The following TMCO6 variants were observed in gnomAD, a reference collection of about 807,000 sequenced individuals.
TMCO6 encodes the protein transmembrane and coiled-coil domain-containing protein 6.
TMCO6 carries 47 observed loss-of-function variants against 61.8 expected under a neutral mutation model. The ratio of observed to expected loss-of-function variants is 0.76; its 90% CI spans 0.60 to 0.97. TMCO6 has a LOEUF of 0.97. Among genes scored for constraint, TMCO6 ranks in the 50% least tolerant of loss-of-function variants. TMCO6 has a pLI of 0.00. For missense variants in TMCO6, 557 were observed against 601.6 expected (o/e 0.93, Z 0.78); for synonymous variants, 261 against 254.2 (o/e 1.03, Z -0.25).
At chr5:140,617,301 C>T in the TMCO6 span, among the ~76,000 whole-genome samples, 2 of 152,106 alleles carry the variant, frequency 1.3e-5, no homozygotes, top group South Asian at 2.1e-4. Flanking sequence ...GTGGCTTACA[C>T]CTGTAATCCC....
the TMCO6 span, among the ~76,000 whole-genome samples, chr5:140,631,516 C>CT: frequency 6.6e-6 from 1 of 152,208 alleles, no homozygotes; most frequent in Admixed American, 6.5e-5. Context: ...CTCAGAAAGC[C>CT]CTGACTGCAC....
chr5:140,601,206 C>T, the TMCO6 span, among the ~76,000 whole-genome samples: 1 of 152,138 alleles, frequency 6.6e-6, no homozygotes, highest in Admixed American at 6.5e-5. Flanking sequence ...GTATGTGGCT[C>T]CTATGTTAAG....
chr5:140,635,104 C>A (rs1196623317), upstream of TMCO6, among the ~76,000 whole-genome samples: 1 of 152,338 alleles, frequency 6.6e-6, no homozygotes, highest in East Asian at 1.9e-4. Context: ...TAAATTCCCA[C>A]TTCCTCTTTA....
At chr5:140,647,287 G>A (rs200255683), downstream of TMCO6, 32 of 1,570,292 alleles carry the variant, frequency 2.0e-5, no homozygotes, top group East Asian at 7.0e-4. Context: ...GCTGCACATC[G>A]GAGCATTCGC....
intron 11 of TMCO6, 106 bp downstream of exon 11, chr5:140,644,846 CCT>C (rs1757300568): frequency 6.5e-7 from 1 of 1,537,864 alleles, no homozygotes; most frequent in African/African-American, 1.4e-5. Context: ...GCCTGGCTAA[CCT>C]ATATAGGTTC....
the TMCO6 span, among the ~76,000 whole-genome samples, chr5:140,624,856 C>G: frequency 3.2e-5 from 1 of 31,710 alleles, no homozygotes; most frequent in African/African-American, 1.8e-4. Context: ...TTCTTTCTTT[C>G]TTTTTTTTTT....
At chr5:140,614,683 T>C in the TMCO6 span, among the ~76,000 whole-genome samples, 2 of 151,946 alleles carry the variant, frequency 1.3e-5, no homozygotes, top group Non-Finnish European at 2.9e-5. Context: ...GGCACGATCT[T>C]GGCTCACTGC....
the TMCO6 span, among the ~76,000 whole-genome samples, chr5:140,626,381 C>A: frequency 6.6e-5 from 10 of 152,102 alleles, no homozygotes; most frequent in African/African-American, 2.2e-4. Flanking sequence ...GTCTCATAAA[C>A]CTTTTATTAC....
the TMCO6 span, chr5:140,631,888 C>A: frequency 6.3e-7 from 1 of 1,586,180 alleles, no homozygotes; most frequent in Non-Finnish European, 8.6e-7. Context: ...TGGAGCAGCA[C>A]CAGGGTTCCC....
At chr5:140,619,385 A>T in the TMCO6 span, among the ~76,000 whole-genome samples, 1 of 152,112 alleles carries the variant, frequency 6.6e-6, no homozygotes, top group Non-Finnish European at 1.5e-5. Context: ...ACACAAATAA[A>T]ACAGCTTGGG....
chr5:140,643,584 T>C lies in TMCO6; in HGVS notation c.827T>C (p.Leu276Pro). 1 of 1,614,096 alleles carries C rather than the reference T, an allele frequency of 6.2e-7. No homozygotes were observed. The highest frequency in any genetic ancestry group is 8.5e-7 in the Non-Finnish European group (1 of 1,180,032). Residue 276 changes from leucine to proline, a missense_variant, in exon 8 of 12, where the codon CTC (leucine) becomes CCC (proline). Coordinates refer to ENST00000394671, the MANE Select transcript of TMCO6 (RefSeq NM_018502.5). Reference protein sequence around the residue: ...IICSQVSNPLLIGHGALSTLG... With the variant: ...IICSQVSNPLPIGHGALSTLG... ...CCCAGCCAGGTCAGCAATCCTCTGC[T>C]CATTGGCCATGGGGCTCTGTCTACT...
In TMCO6 at chr5:140,644,722, G is replaced by A. The variant is rs893186483; in HGVS notation, c.1350G>A (p.Leu450=). ...AGAGTTTGGAGCTGCTGCATCTGCT[G>A]TTCCTGTATCAGCCAGAGGTATAGG... The part of the protein sequence containing the change: ...VGQSLELLHL[L]FLYQPEAVQV... Residue 450 remains leucine, a synonymous_variant, in exon 11 of 12, where the codon CTG becomes CTA. Coordinates refer to ENST00000394671, the MANE Select transcript of TMCO6 (RefSeq NM_018502.5). 6.2e-7 allele frequency: 1 copy of A among 1,614,112 alleles called. No homozygotes were observed. Among genetic ancestry groups the A allele is most frequent in the African/African-American group, 1.3e-5 (1 of 74,934 alleles).
At chr5:140,632,275 G>A in the TMCO6 span, 1 of 1,613,834 alleles carries the variant, frequency 6.2e-7, no homozygotes, top group South Asian at 1.1e-5. This position sits in a 1 kb window ranked among gnomAD's most constrained non-coding sequence, Gnocchi z 6.2. Context: ...ACGCCTGTGG[G>A]CGTCTCCATT....
chr5:140,645,814 G>A, downstream of TMCO6: 3 of 1,418,320 alleles, frequency 2.1e-6, no homozygotes, highest in Non-Finnish European at 2.9e-6. Context: ...AAATACATTT[G>A]GTATGCCTAG....
the TMCO6 span, among the ~76,000 whole-genome samples, chr5:140,629,832 C>G: frequency 6.6e-6 from 1 of 150,730 alleles, no homozygotes; most frequent in South Asian, 2.1e-4. Flanking sequence ...ACTTGGGAGG[C>G]TGAGGCAGGA....
Position 140,639,626 on chromosome 5 carries a change from AGGGAGCGCGGGGGTATATGGCGGTCGG to A in TMCO6, c.85+17_85+43del. 2 of 1,540,760 alleles carry A rather than the reference AGGGAGCGCGGGGGTATATGGCGGTCGG, an allele frequency of 1.3e-6. No homozygotes were observed. The highest frequency in any genetic ancestry group is 1.8e-6 in the Non-Finnish European group (2 of 1,141,426). ...AGCGGGAGGCAGGTGTGGGCGGCCG[AGGGAGCGCGGGGGTATATGGCGGTCGG>A]GGATAAGTTGAGACCCCAGGCTCGG... is the stretch of plus-strand genomic sequence containing the variant. On this transcript the variant is annotated intron_variant, in intron 1 of 11. Transcript: ENST00000394671.
chr5:140,597,377 A>C, the TMCO6 span, among the ~76,000 whole-genome samples: 7 of 151,582 alleles, frequency 4.6e-5, no homozygotes, highest in Admixed American at 4.6e-4. Flanking sequence ...ATATACTATG[A>C]CCAAAATGTC....
At chr5:140,633,098 G>A in the TMCO6 span, 2 of 1,613,826 alleles carry the variant, frequency 1.2e-6, no homozygotes, top group African/African-American at 1.3e-5. Context: ...GAACCTCTGA[G>A]CTCCGGACAG....
chr5:140,619,692 G>T, the TMCO6 span, among the ~76,000 whole-genome samples: 1 of 151,976 alleles, frequency 6.6e-6, no homozygotes. Flanking sequence ...GTAAAAAAGT[G>T]TGCCTCTAAC....
Sources: allele counts gnomAD v4.1 joint callset (sites outside exome capture counted in the v4.1 genomes callset), GRCh38; gene constraint gnomAD v4.1.1; non-coding constraint Gnocchi (gnomAD v3.1); transcripts MANE v1.5; gene names NCBI Gene and HGNC (gene_info 2026-07-23, HGNC 2026-07-21).